DNAJC3: variants seen among roughly 807,000 people sequenced by gnomAD.
DNAJC3 encodes dnaJ homolog subfamily C member 3.
Under a neutral mutation model 68.6 loss-of-function variants are expected in DNAJC3, and 38 were observed. The ratio of observed to expected loss-of-function variants is 0.55; its 90% CI spans 0.43 to 0.73. The LOEUF (loss-of-function observed/expected upper bound fraction) is 0.73, where lower values mean the gene tolerates loss of function less well. Ranked by LOEUF, DNAJC3 falls within the 30% of genes least tolerant of loss-of-function variation. The pLI is 0.00. For missense variants in DNAJC3, 526 were observed against 591.9 expected (o/e 0.89, Z 1.16); for synonymous variants, 203 against 204.0 (o/e 1.00, Z 0.04).
Position 95,791,632 on chromosome 13 carries a change from T to C in DNAJC3, c.*602T>C, listed in dbSNP as rs1883779504. 6.6e-6 allele frequency: 1 copy of C among 152,550 alleles called. No individual in the cohort carries two copies. Among genetic ancestry groups the C allele is most frequent in the African/African-American group, 2.4e-5 (1 of 41,422 alleles). 9.4% of individuals were successfully genotyped at this position (152,550 alleles called of 1,614,324 possible). Reference sequence around the variant, plus strand: ...ATCTTTTAGGAACCCTGCCACCAAATAATAATATATCCAGGCTTAGACTTT... The same window carrying C: ...ATCTTTTAGGAACCCTGCCACCAAACAATAATATATCCAGGCTTAGACTTT... On this transcript the variant is annotated 3_prime_UTR_variant, in exon 12 of 12. Transcript: ENST00000602402.
At chr13:95,679,379 G>A (rs1047926735) in intron 1 of DNAJC3, among the ~76,000 whole-genome samples, 3 of 151,950 alleles carry the variant, frequency 2.0e-5, no homozygotes, top group African/African-American at 4.8e-5. Flanking sequence ...GAAATTTTGC[G>A]TTTCTAGAAA....
At chr13:95,679,156 C>A (rs1879845938) in intron 1 of DNAJC3, among the ~76,000 whole-genome samples, 1 of 149,952 alleles carries the variant, frequency 6.7e-6, no homozygotes, top group Admixed American at 6.6e-5. Context: ...TCATGTGAGT[C>A]CAAGCACTTT....
Position 95,774,447 on chromosome 13 carries a change from C to T in DNAJC3, c.1075+10494C>T, listed in dbSNP as rs562009909. ...AATTTATTTAGGCTTGTTTTGTGGT[C>T]CAGCATGGTATCTACCTTGATGAAT... On this transcript the variant is annotated intron_variant, in intron 9 of 11. Coordinates refer to ENST00000602402, the MANE Select transcript of DNAJC3 (RefSeq NM_006260.5). Among the ~76,000 whole-genome samples the T allele has an allele frequency of 2.6e-5, 4 of 152,116 alleles. No individual in the cohort carries two copies. In the East Asian group the frequency reaches 7.7e-4, roughly 29 times the overall value.
chr13:95,733,219 G>T (rs1336637620), intron 4 of DNAJC3, among the ~76,000 whole-genome samples: 3 of 152,116 alleles, frequency 2.0e-5, no homozygotes, highest in Admixed American at 2.0e-4. Context: ...ATGTAATGCT[G>T]AGAGTGGGGT....
chr13:95,733,703 C>CTTTTTTTTTTTTTTTT (rs146677839), intron 4 of DNAJC3, among the ~76,000 whole-genome samples: 9 of 102,962 alleles, frequency 8.7e-5, no homozygotes, highest in Admixed American at 1.0e-4. Context: ...CCTGGCCTGT[C>CTTTTTTTTTTTTTTTT]TTTTTTTTTT....
chr13:95,764,721 CAT>C (rs575061502), intron 9 of DNAJC3, among the ~76,000 whole-genome samples: 2,820 of 106,788 alleles, frequency 0.026, 61 homozygotes, highest in African/African-American at 0.058. Context: ...TATATATACA[CAT>C]ATATATATAT....
intron 9 of DNAJC3, among the ~76,000 whole-genome samples, chr13:95,785,054 T>G (rs1417680817): frequency 1.3e-5 from 2 of 152,262 alleles, no homozygotes; most frequent in East Asian, 3.8e-4. Context: ...TGATTGACAC[T>G]TAGGTTTGTA....
At chr13:95,696,547 G>GCCCCAAAA (rs1880445229) in intron 1 of DNAJC3, among the ~76,000 whole-genome samples, 1 of 152,130 alleles carries the variant, frequency 6.6e-6, no homozygotes, top group Non-Finnish European at 1.5e-5. Context: ...CACCATTGTG[G>GCCCCAAAA]AAGGCCTTCT....
intron 3 of DNAJC3, among the ~76,000 whole-genome samples, chr13:95,724,435 G>T (rs1173850126): frequency 5.3e-5 from 8 of 152,154 alleles, no homozygotes; most frequent in Non-Finnish European, 1.2e-4. Context: ...GGAGAAACTG[G>T]TGCATGTTAG....
At chr13:95,770,200 A>G (rs1363745618) in intron 9 of DNAJC3, among the ~76,000 whole-genome samples, 1 of 152,166 alleles carries the variant, frequency 6.6e-6, no homozygotes, top group Non-Finnish European at 1.5e-5. Flanking sequence ...TTAATTGACA[A>G]GACTGTAATT....
intron 9 of DNAJC3, among the ~76,000 whole-genome samples, chr13:95,767,911 G>T (rs957609336): frequency 2.0e-5 from 3 of 151,272 alleles, no homozygotes; most frequent in Non-Finnish European, 4.4e-5. Context: ...CACCATGTTG[G>T]CCAGGCTGGT....
Position 95,790,940 on chromosome 13 carries a change from C to T in DNAJC3, c.1425C>T (p.Gly475=). The T allele has an allele frequency of 6.2e-7, 1 of 1,610,100 alleles. No individual in the cohort carries two copies. Among genetic ancestry groups the T allele is most frequent in the Non-Finnish European group, 8.5e-7 (1 of 1,179,134 alleles). ...LDAESQQGGG[G]NPFHRSWNSW... ...CAGAGAGCCAGCAAGGAGGCGGCGGCAACCCTTTCCACAGAAGCTGGAACT... is the reference window on the plus strand; with the variant it reads ...CAGAGAGCCAGCAAGGAGGCGGCGGTAACCCTTTCCACAGAAGCTGGAACT... The change falls in exon 12 of 12, where the codon GGC becomes GGT. Residue 475 remains glycine (G), a synonymous_variant. Transcript: ENST00000602402.
chr13:95,685,203 G>A (rs141168423), intron 1 of DNAJC3, among the ~76,000 whole-genome samples: 2,040 of 152,340 alleles, frequency 0.013, 46 homozygotes, highest in African/African-American at 0.047. Flanking sequence ...TCACAGGAGT[G>A]GCACTGCCCA....
At chr13:95,770,731 A>G (rs1883133945) in intron 9 of DNAJC3, among the ~76,000 whole-genome samples, 1 of 152,216 alleles carries the variant, frequency 6.6e-6, no homozygotes, top group African/African-American at 2.4e-5. Flanking sequence ...CCTCAGTGGG[A>G]GAAGCTGACT....
intron 2 of DNAJC3, among the ~76,000 whole-genome samples, chr13:95,716,065 C>T (rs918416544): frequency 2.0e-5 from 3 of 151,702 alleles, no homozygotes; most frequent in Non-Finnish European, 2.9e-5. Context: ...AGCTGAGGCA[C>T]GAGAATTGCT....
chr13:95,712,613 A>G (rs994705436), intron 2 of DNAJC3, among the ~76,000 whole-genome samples: 5 of 151,908 alleles, frequency 3.3e-5, no homozygotes, highest in East Asian at 1.9e-4. Flanking sequence ...CCTGACCTCA[A>G]GTCATCCACC....
At chr13:95,766,241 G>A (rs1030155949) in intron 9 of DNAJC3, among the ~76,000 whole-genome samples, 3 of 152,144 alleles carry the variant, frequency 2.0e-5, no homozygotes, top group African/African-American at 7.2e-5. Context: ...AATGGAACAT[G>A]GACATTTATT....
At chr13:95,725,759 G>A (rs1881489764) in intron 4 of DNAJC3, among the ~76,000 whole-genome samples, 1 of 149,124 alleles carries the variant, frequency 6.7e-6, no homozygotes, top group South Asian at 2.1e-4. Flanking sequence ...GTGCCATGTT[G>A]GTGTGCTGCA....
chr13:95,760,826 A>C, intron 7 of DNAJC3, 28 bp downstream of exon 7: 1 of 1,603,936 alleles, frequency 6.2e-7, no homozygotes, highest in Non-Finnish European at 8.5e-7. Flanking sequence ...CCAACTGTCC[A>C]GCCATTCCTT....
Sources: gnomAD v4.1 joint callset for allele counts (sites outside exome capture counted in the v4.1 genomes callset) on GRCh38, gnomAD v4.1.1 for gene constraint, MANE v1.5 for transcripts, NCBI Gene and HGNC (gene_info 2026-07-23, HGNC 2026-07-21) for gene names.